Variants in NF1 observed in about 807,000 individuals in gnomAD.
NF1 encodes neurofibromin 1.
In NF1, 122 loss-of-function variants were observed where a neutral mutation model predicts 325.7. The observed-to-expected ratio is 0.37, with a 90% CI of 0.32 to 0.44. The LOEUF (loss-of-function observed/expected upper bound fraction) is 0.44, where lower values mean the gene tolerates loss of function less well. Among genes scored for constraint, NF1 ranks in the 20% least tolerant of loss-of-function variants. The pLI, the probability that NF1 is intolerant of heterozygous loss-of-function variation, is 1.00. For synonymous variants in NF1, 1,091 were observed against 1,186.0 expected, an observed-to-expected ratio of 0.92 and a Z score of 1.65; for missense variants, 2,140 against 3,415.4, an observed-to-expected ratio of 0.63 and a Z score of 9.31.
At chr17:31,173,147 T>A (rs2065960269) in intron 5 of NF1, among the ~76,000 whole-genome samples, 1 of 152,166 alleles carries the variant, frequency 6.6e-6, no homozygotes, top group Non-Finnish European at 1.5e-5. Context: ...CTGGGCGCGG[T>A]GGCTCACGCC....
rs1427424185 is a variant in NF1, at chr17:31,367,124, C to G, written c.8377+6421C>G. The G allele has an allele frequency of 4.1e-5, 23 of 566,168 alleles. No individual in the cohort carries two copies. The Admixed American group carries it at 6.3e-4, about 15-fold the overall frequency. 35.1% of individuals were successfully genotyped at this position (566,168 alleles called of 1,614,324 possible). ...TTAAAACCAGATTCCTTCTGAAAACCAAGGAACATTATAATTATCTAGTAT... is the reference window on the plus strand; with the variant it reads ...TTAAAACCAGATTCCTTCTGAAAACGAAGGAACATTATAATTATCTAGTAT... On this transcript the variant is annotated intron_variant, in intron 57 of 57. Coordinates refer to ENST00000358273, the MANE Select transcript of NF1 (RefSeq NM_001042492.3).
At position 31,260,500 on chromosome 17, in the gene NF1, A is replaced by G. The variant is rs2067665932; in HGVS notation, c.4562A>G (p.Tyr1521Cys). ...LWNNQEKIGQ[Y>C]LSSNRDHKAV... ...AACAATCAGGAGAAAATTGGGCAGT[A>G]TCTTTCCAGCAACAGGTAAGATTTC... Residue 1521 changes from tyrosine (Y) to cysteine (C), a missense_variant, in exon 34 of 58, where the codon TAT (tyrosine) becomes TGT (cysteine). Physicochemically the swap from Tyr to Cys is radical, Grantham distance 194. This residue lies in a region of NF1 where 103 missense variants were observed against 214.6 expected (regional missense o/e 0.48). Coordinates refer to ENST00000358273, the MANE Select transcript of NF1 (RefSeq NM_001042492.3). The G allele has an allele frequency of 6.2e-7, 1 of 1,613,984 alleles. No homozygotes were observed. The highest frequency in any genetic ancestry group is 8.5e-7 in the Non-Finnish European group (1 of 1,179,948).
At chr17:31,201,521 A>C in intron 11 of NF1, 36 bp downstream of exon 11, 1 of 1,506,338 alleles carries the variant, frequency 6.6e-7, no homozygotes, top group South Asian at 1.2e-5. Context: ...TACTAAAAAA[A>C]TTTTTTTCTT....
intron 2 of NF1, among the ~76,000 whole-genome samples, chr17:31,158,103 C>T (rs1365848379): frequency 6.6e-6 from 1 of 152,194 alleles, no homozygotes; most frequent in Admixed American, 6.5e-5. Flanking sequence ...CCTACCCGAC[C>T]CTTCTTACCT....
intron 39 of NF1, among the ~76,000 whole-genome samples, chr17:31,333,752 G>GA (rs2069566575): frequency 6.6e-6 from 1 of 152,202 alleles, no homozygotes; most frequent in Admixed American, 6.5e-5. Context: ...ACAATGATTT[G>GA]AATGTACTCA....
rs545939025 is a variant in NF1 at position 31,166,261 on chromosome 17, C to T, written c.479+2885C>T. ...AATCTGTTCGTTATGGTTTCTTACT[C>T]TTTTTTTAAAAATAGTTTTCAGTTT... On this transcript the variant is annotated intron_variant, in intron 4 of 57. Transcript: ENST00000358273. Among the ~76,000 whole-genome samples, 53 of 152,148 alleles carry T rather than the reference C, an allele frequency of 3.5e-4. No individual in the cohort carries two copies. The South Asian group carries it at 5.0e-3, about 14-fold the overall frequency.
chr17:31,352,739 C>T (rs1219002112), intron 51 of NF1, among the ~76,000 whole-genome samples: 2 of 152,046 alleles, frequency 1.3e-5, no homozygotes, highest in Admixed American at 1.3e-4. Flanking sequence ...AAGGAAGAGT[C>T]TTGCTGCACT....
intron 36 of NF1, chr17:31,307,957 GC>G: frequency 7.8e-7 from 1 of 1,278,326 alleles, no homozygotes; most frequent in South Asian, 1.2e-5. Flanking sequence ...ATGATAAATG[GC>G]CCTGTTTTAG....
intron 36 of NF1, among the ~76,000 whole-genome samples, chr17:31,275,350 A>G (rs1205061340): frequency 1.3e-5 from 2 of 152,194 alleles, no homozygotes; most frequent in Non-Finnish European, 2.9e-5. Context: ...GCATTAGTCA[A>G]CCCACTTCAT....
At chr17:31,180,396 A>G (rs754959119) in intron 5 of NF1, among the ~76,000 whole-genome samples, 4 of 152,200 alleles carry the variant, frequency 2.6e-5, no homozygotes, top group Non-Finnish European at 1.5e-5. Flanking sequence ...CTTGTCCACC[A>G]TGATCAAGTT....
rs143836226 is a variant in NF1, at chr17:31,235,930, A to G, written c.3883A>G (p.Thr1295Ala). 6.5e-5 allele frequency: 105 copies of G among 1,613,674 alleles called. No individual in the cohort carries two copies. The Middle Eastern group carries it at 6.6e-4, about 10-fold the overall frequency. The change falls in exon 29 of 58, where the codon ACC becomes GCC. Residue 1295 changes from threonine (T) to alanine (A), a missense_variant. Thr to Ala is a moderately conservative substitution (Grantham distance 58, BLOSUM62 0). Transcript: ENST00000358273. ...MTFCFKVYGA[T>A]YLQKLLDPLL... ...TGCATTTCTGTAGGTATATGGTGCTACCTATCTACAAAAACTCCTGGATCC... is the reference window on the plus strand; with the variant it reads ...TGCATTTCTGTAGGTATATGGTGCTGCCTATCTACAAAAACTCCTGGATCC...
rs144863583 is a variant in NF1, at chr17:31,232,626, G to A, written c.3315-74G>A. On this transcript the variant is annotated intron_variant, in intron 25 of 57. Transcript: ENST00000358273. ...CCATTCACACCATGCACATATGATT[G>A]TTTTGGAATGTCTGGTTAGCTTTCT... 5.3e-5 allele frequency: 74 copies of A among 1,399,998 alleles called. No individual in the cohort carries two copies. The East Asian group carries it at 1.6e-3, about 30-fold the overall frequency. The allele number at this position is 1,399,998 out of a possible 1,614,324, so 86.7% of individuals were successfully genotyped here.
intron 4 of NF1, among the ~76,000 whole-genome samples, chr17:31,168,199 G>A (rs1430289901): frequency 4.6e-5 from 7 of 152,100 alleles, no homozygotes; most frequent in African/African-American, 4.8e-5. Context: ...AAATCCCCAT[G>A]CATCTCTTAC....
intron 1 of NF1, among the ~76,000 whole-genome samples, chr17:31,152,650 ATTCT>A (rs1917029495): frequency 6.8e-6 from 1 of 146,526 alleles, no homozygotes; most frequent in African/African-American, 2.5e-5. Flanking sequence ...TTATCTTCTA[ATTCT>A]TTCTTGAGTT....
At position 31,278,264 on chromosome 17, in the gene NF1, T is replaced by C. The variant is rs200528967; in HGVS notation, c.4835+12925T>C. On this transcript the variant is annotated intron_variant, in intron 36 of 57. Coordinates refer to ENST00000358273, the MANE Select transcript of NF1 (RefSeq NM_001042492.3). ...TTCTTAAGAAAATGGAAAAAAGTAA[T>C]TTCTGAAAATGATGAGAATGATCAT... is the stretch of plus-strand genomic sequence containing the variant. 8.5e-5 allele frequency: 13 copies of C among 152,300 alleles called. No homozygotes were observed. In the East Asian group the frequency reaches 2.3e-3, roughly 27 times the overall value. 9.4% of individuals were successfully genotyped at this position (152,300 alleles called of 1,614,324 possible).
Position 31,358,982 on chromosome 17 carries a change from T to G in NF1, c.8127T>G (p.Asn2709Lys). 1 of 1,613,966 alleles carries G rather than the reference T, an allele frequency of 6.2e-7. No individual in the cohort carries two copies. Among genetic ancestry groups the G allele is most frequent in the Non-Finnish European group, 8.5e-7 (1 of 1,179,916 alleles). The change falls in exon 56 of 58, where the codon AAT (asparagine) becomes AAG (lysine). Residue 2709 changes from asparagine to lysine, a missense_variant. Around this residue, in one of 10 missense-constraint regions of NF1, gnomAD observed 522 missense variants for 749.0 expected, o/e 0.70. Transcript: ENST00000358273. ...GATTTGTTGCAGGTTTTGGTTTTAA[T>G]GGCTTGTGGCGGTTTGCAGGACCGT... ...QTSYLQSFGF[N>K]GLWRFAGPFS...
chr17:31,225,343 T>C lies in NF1; in HGVS notation c.2001+93T>C, dbSNP rs2066995422. On this transcript the variant is annotated intron_variant, in intron 17 of 57. Coordinates refer to ENST00000358273, the MANE Select transcript of NF1 (RefSeq NM_001042492.3). ...TAAATTTCATCTAGGTAATATAGTGTAATAGTGAAAAACTGCTTAGAATCT... is the reference window on the plus strand; with the variant it reads ...TAAATTTCATCTAGGTAATATAGTGCAATAGTGAAAAACTGCTTAGAATCT... The C allele has an allele frequency of 8.5e-6, 12 of 1,415,282 alleles. No homozygotes were observed. In the South Asian group the frequency reaches 1.2e-4, roughly 14 times the overall value. 87.7% of individuals were successfully genotyped at this position (1,415,282 alleles called of 1,614,324 possible).
chr17:31,360,347 C>T, intron 56 of NF1, 140 bp from the exon 57 acceptor site: 1 of 723,414 alleles, frequency 1.4e-6, no homozygotes, highest in South Asian at 1.7e-5. Flanking sequence ...AAATATTACT[C>T]CACTCCCCTT....
intron 51 of NF1, among the ~76,000 whole-genome samples, chr17:31,353,205 G>A (rs1385202716): frequency 2.0e-5 from 3 of 152,104 alleles, no homozygotes; most frequent in Non-Finnish European, 4.4e-5. Flanking sequence ...CACCATGCCC[G>A]GCCGGAAGAT....
Sources: allele counts gnomAD v4.1 joint callset (sites outside exome capture counted in the v4.1 genomes callset), GRCh38; gene constraint gnomAD v4.1.1; regional missense constraint gnomAD v4.1.1; transcripts MANE v1.5; gene names NCBI Gene and HGNC (gene_info 2026-07-23, HGNC 2026-07-21).